ANXA4: variants seen among roughly 807,000 people sequenced by gnomAD.
The protein encoded by ANXA4 is annexin A4, also known as 35-beta calcimedin.
A neutral mutation model predicts 49.8 loss-of-function variants in ANXA4; 39 were observed. The ratio of observed to expected loss-of-function variants is 0.78; its 90% confidence interval spans 0.61 to 1.02. ANXA4 has a LOEUF of 1.02. ANXA4 is among the 50% of genes least tolerant of loss of function. The pLI, the probability that ANXA4 is intolerant of heterozygous loss-of-function variation, is 0.00. For missense variants in ANXA4, 360 were observed against 410.1 expected (o/e 0.88, Z 1.05); for synonymous variants, 134 against 152.5 (o/e 0.88, Z 0.89).
intron 1 of ANXA4, among the ~76,000 whole-genome samples, chr2:69,646,285 C>T (rs966412481): frequency 6.6e-6 from 1 of 152,214 alleles, no homozygotes; most frequent in African/African-American, 2.4e-5. Context: ...TAATTTGTCC[C>T]ATGCTGCTTT....
At chr2:69,647,674 G>C (rs1676061857) in intron 1 of ANXA4, among the ~76,000 whole-genome samples, 1 of 152,014 alleles carries the variant, frequency 6.6e-6, no homozygotes, top group African/African-American at 2.4e-5. Context: ...CTCCCAAAAT[G>C]CTGGGATTAC....
intron 2 of ANXA4, among the ~76,000 whole-genome samples, chr2:69,709,981 CT>C (rs974347199): frequency 0.091 from 8,867 of 97,144 alleles, 990 homozygotes; most frequent in African/African-American, 0.33. Flanking sequence ...CACTTCCAGG[CT>C]TTTTTTTTTT....
At chr2:69,821,983 T>G (rs1674263360) in intron 12 of ANXA4, among the ~76,000 whole-genome samples, 1 of 152,170 alleles carries the variant, frequency 6.6e-6, no homozygotes, top group Non-Finnish European at 1.5e-5. Flanking sequence ...AGAACTCTTG[T>G]GCACTGTTGG....
At chr2:69,780,882 A>AT (rs1390120438) in intron 1 of ANXA4, among the ~76,000 whole-genome samples, 1 of 152,222 alleles carries the variant, frequency 6.6e-6, no homozygotes, top group Non-Finnish European at 1.5e-5. Context: ...CATTTCTTGC[A>AT]TTCTGAACAA....
At chr2:69,805,046 C>CA (rs60172949) in intron 4 of ANXA4, among the ~76,000 whole-genome samples, 3,123 of 35,818 alleles carry the variant, frequency 0.087, 896 homozygotes, top group Admixed American at 0.24. Flanking sequence ...GACTCCATCT[C>CA]AAAAAAAAAA....
intron 3 of ANXA4, among the ~76,000 whole-genome samples, chr2:69,725,371 A>G (rs927188545): frequency 2.0e-5 from 3 of 148,298 alleles, no homozygotes; most frequent in Non-Finnish European, 4.5e-5. Flanking sequence ...AAATATATAA[A>G]TTTATTATTT....
intron 1 of ANXA4, among the ~76,000 whole-genome samples, chr2:69,761,955 A>G (rs1671308001): frequency 1.3e-5 from 2 of 152,316 alleles, no homozygotes; most frequent in South Asian, 4.1e-4. Context: ...GTTGGCACCA[A>G]CTAGATTAGT....
chr2:69,656,387 A>G (rs555295796), intron 2 of ANXA4, among the ~76,000 whole-genome samples: 8 of 86,984 alleles, frequency 9.2e-5, no homozygotes, highest in African/African-American at 1.9e-4. Flanking sequence ...GTGTATATAT[A>G]TGTGTATATA....
intron 2 of ANXA4, among the ~76,000 whole-genome samples, chr2:69,698,801 G>A (rs1015734511): frequency 6.6e-6 from 1 of 152,138 alleles, no homozygotes; most frequent in Non-Finnish European, 1.5e-5. Flanking sequence ...TTCTCAAGAT[G>A]GTGATACAAC....
At chr2:69,665,284 C>A (rs1676893900) in intron 2 of ANXA4, among the ~76,000 whole-genome samples, 1 of 152,020 alleles carries the variant, frequency 6.6e-6, no homozygotes, top group Non-Finnish European at 1.5e-5. Context: ...GTCCGAGGAA[C>A]CCTGGCTGTT....
chr2:69,733,042 G>A (rs922884529), intron 3 of ANXA4, among the ~76,000 whole-genome samples: 10 of 152,126 alleles, frequency 6.6e-5, no homozygotes, highest in African/African-American at 2.4e-4. Context: ...TATGTTGTCA[G>A]TTTTTGTAAA....
At chr2:69,672,923 C>T (rs185740607) in intron 2 of ANXA4, among the ~76,000 whole-genome samples, 102 of 151,892 alleles carry the variant, frequency 6.7e-4, no homozygotes, top group Non-Finnish European at 1.3e-3. Context: ...AAAAGCTCAT[C>T]GTCACTGGTA....
chr2:69,702,815 A>G (rs1161475598), intron 2 of ANXA4, among the ~76,000 whole-genome samples: 3 of 152,248 alleles, frequency 2.0e-5, no homozygotes, highest in Non-Finnish European at 2.9e-5. Flanking sequence ...AAACGTAACT[A>G]TAAAACTATA....
At chr2:69,790,244 C>T (rs924746853) in intron 3 of ANXA4, among the ~76,000 whole-genome samples, 6 of 152,140 alleles carry the variant, frequency 3.9e-5, no homozygotes, top group African/African-American at 1.2e-4. Context: ...TATTTCCCCC[C>T]TCAGGAATGA....
intron 1 of ANXA4, among the ~76,000 whole-genome samples, chr2:69,745,457 GA>G (rs1670572189): frequency 6.6e-6 from 1 of 152,186 alleles, no homozygotes. Flanking sequence ...ACAATATGCA[GA>G]TTCTGCTTAT....
intron 2 of ANXA4, among the ~76,000 whole-genome samples, chr2:69,698,871 G>A (rs1310210104): frequency 6.6e-6 from 1 of 152,128 alleles, no homozygotes; most frequent in Non-Finnish European, 1.5e-5. Context: ...TCAATGAAGA[G>A]GGAGAAGAAG....
In ANXA4 at chr2:69,718,647, C is replaced by T. The variant is rs148750655; in HGVS notation, n.767-2127C>T. On this transcript the variant is annotated intron_variant and non_coding_transcript_variant, in intron 2 of 3. Coordinates refer to the ANXA4 transcript ENST00000418066. ...CCTTCTCTCCCACCAGCCCTATCCA[C>T]AGCACACACATGCATACACAAACAT... is the stretch of plus-strand genomic sequence containing the variant. Among the ~76,000 whole-genome samples, 9 of 152,332 alleles carry T rather than the reference C, an allele frequency of 5.9e-5. No individual in the cohort carries two copies. In the East Asian group the frequency reaches 1.4e-3, roughly 23 times the overall value.
chr2:69,748,662 A>G (rs1477484264), intron 1 of ANXA4, among the ~76,000 whole-genome samples: 1 of 151,130 alleles, frequency 6.6e-6, no homozygotes, highest in African/African-American at 2.4e-5. Context: ...TCACAGAGTG[A>G]ATTTACTTAA....
intron 1 of ANXA4, among the ~76,000 whole-genome samples, chr2:69,757,260 ATATATATTTT>A (rs1389430314): frequency 8.5e-4 from 44 of 51,702 alleles, no homozygotes; most frequent in Admixed American, 2.9e-3. Context: ...ATATATATAT[ATATATATTTT>A]TTTTTTTTTT....
Sources: gnomAD v4.1 joint callset for allele counts (sites outside exome capture counted in the v4.1 genomes callset) on GRCh38, gnomAD v4.1.1 for gene constraint, MANE v1.5 for transcripts, NCBI Gene and HGNC (gene_info 2026-07-23, HGNC 2026-07-21) for gene names.